DHX38: variants seen among roughly 807,000 people sequenced by gnomAD.
DHX38 encodes DEAH-box helicase 38.
Under a neutral mutation model 153.1 loss-of-function variants are expected in DHX38, and 100 were observed. That is an observed-to-expected ratio of 0.65 (90% CI 0.56 to 0.77). The LOEUF is 0.77. Among genes scored for constraint, DHX38 ranks in the 30% least tolerant of loss-of-function variants. The probability of loss-of-function intolerance (pLI) is 0.00; values close to 1 mark genes in which losing one functional copy is unlikely to be tolerated. For missense variants in DHX38, 1,440 were observed against 1,654.0 expected, an observed-to-expected ratio of 0.87 and a Z score of 2.24; for synonymous variants, 650 against 631.7, an observed-to-expected ratio of 1.03 and a Z score of -0.43.
Position 72,109,431 on chromosome 16 carries a change from T to C in DHX38, c.3398T>C (p.Val1133Ala), listed in dbSNP as rs2042228557. 1 of 1,613,370 alleles carries C rather than the reference T, an allele frequency of 6.2e-7. No homozygotes were observed. The highest frequency in any genetic ancestry group is 1.7e-4 in the Middle Eastern group (1 of 6,046). The change falls in exon 25 of 27, where the codon GTG becomes GCG. Residue 1133 changes from valine to alanine, a missense_variant. By Grantham distance (64) the Val-to-Ala change is moderately conservative (BLOSUM62 0). Transcript: ENST00000268482. ...VMTTKEYMQCVTAVDGEWLAE... is the reference protein window; with the variant it reads ...VMTTKEYMQCATAVDGEWLAE... ...TGCCCGCAGGAGTATATGCAGTGTG[T>C]GACCGCTGTGGACGGGGAGTGGCTG...
At position 72,104,078 on chromosome 16, in the gene DHX38, G is replaced by A; in HGVS notation, c.1957G>A (p.Glu653Lys). 5 of 1,614,152 alleles carry A rather than the reference G, an allele frequency of 3.1e-6. No individual in the cohort carries two copies. The highest frequency in any genetic ancestry group is 1.1e-5 in the South Asian group (1 of 91,080). The change falls in exon 14 of 27, where the codon GAG becomes AAG. Residue 653 changes from glutamate (E) to lysine (K), a missense_variant. By Grantham distance (56) the Glu-to-Lys change is moderately conservative (BLOSUM62 1). Around this residue, in one of 6 missense-constraint regions of DHX38, gnomAD observed 543 missense variants for 717.9 expected, o/e 0.76. Transcript: ENST00000268482. The surrounding 1 kb of genome is among the most constrained non-coding windows in gnomAD (Gnocchi z 4.5). ...LDHYSAIIMD[E>K]AHERSLNTDV... The stretch of plus-strand genomic sequence containing the variant: ...TCACTACAGTGCCATCATCATGGAC[G>A]AGGCCCACGAGCGCTCCCTCAACAC...
chr16:72,104,745 C>T lies in DHX38; in HGVS notation c.2151+119C>T. ...GGGTTGGAGAAGATTTCCTGGGGAC[C>T]ATGGGGCAAATGGGGCAGCCTGCAG... On this transcript the variant is annotated intron_variant, in intron 15 of 26. Coordinates refer to ENST00000268482, the MANE Select transcript of DHX38 (RefSeq NM_014003.4). The surrounding 1 kb of genome is among the most constrained non-coding windows in gnomAD (Gnocchi z 4.5). 6.9e-7 allele frequency: 1 copy of T among 1,449,330 alleles called. No homozygotes were observed. Among genetic ancestry groups the T allele is most frequent in the Non-Finnish European group, 9.4e-7 (1 of 1,058,952 alleles). The allele number at this position is 1,449,330 out of a possible 1,614,324, so 89.8% of individuals were successfully genotyped here. A position where few individuals can be genotyped will look rare whatever the true frequency, so the allele number is the denominator to read the frequency against.
intron 3 of DHX38, chr16:72,097,401 C>G: frequency 2.2e-6 from 1 of 458,670 alleles, no homozygotes; most frequent in Non-Finnish European, 4.0e-6. Context: ...AGAATTGTAA[C>G]TATTAAAAAA....
chr16:72,106,199 C>A, intron 19 of DHX38, 82 bp downstream of exon 19: 2 of 1,353,782 alleles, frequency 1.5e-6, no homozygotes, highest in Non-Finnish European at 2.1e-6. Context: ...GGGCAGGATG[C>A]TGGCTCTAGA....
chr16:72,099,951 C>T, intron 8 of DHX38, 64 bp downstream of exon 8: 1 of 1,537,352 alleles, frequency 6.5e-7, no homozygotes, highest in Non-Finnish European at 8.8e-7. Context: ...GGGGAAGCAG[C>T]AGGTTATCCC....
At chr16:72,100,191 T>TA (rs1286291697) in intron 8 of DHX38, among the ~76,000 whole-genome samples, 2 of 152,156 alleles carry the variant, frequency 1.3e-5, no homozygotes, top group Admixed American at 6.5e-5. Context: ...TAGGGACACT[T>TA]ACCATTTGTG....
intron 17 of DHX38, 51 bp from the exon 18 acceptor site, chr16:72,105,466 C>G: frequency 6.2e-7 from 1 of 1,609,654 alleles, no homozygotes; most frequent in Non-Finnish European, 8.5e-7. Flanking sequence ...CTCGCGGAGC[C>G]TTTCCTGTCT....
Position 72,108,898 on chromosome 16 carries a change from G to A in DHX38, c.3354G>A (p.Val1118=), listed in dbSNP as rs746943425. 2.5e-6 allele frequency: 4 copies of A among 1,611,454 alleles called. No individual in the cohort carries two copies. In the Admixed American group the frequency reaches 5.0e-5, roughly 20 times the overall value. The change falls in exon 24 of 27, where the codon GTG becomes GTA. Residue 1118 remains valine, a synonymous_variant. Coordinates refer to ENST00000268482, the MANE Select transcript of DHX38 (RefSeq NM_014003.4). ...TGGGCTACACCCCAGATTACATAGT[G>A]TATCACGAGTTGGTCATGACCACCA... ...FGMGYTPDYI[V]YHELVMTTKE...
intron 11 of DHX38, 127 bp from the exon 12 acceptor site, chr16:72,102,947 G>A: frequency 7.5e-7 from 1 of 1,328,964 alleles, no homozygotes; most frequent in Non-Finnish European, 1.0e-6. Flanking sequence ...AGATTCCCTG[G>A]CTGCTTTGGT....
intron 23 of DHX38, 27 bp downstream of exon 23, chr16:72,108,634 T>A: frequency 1.2e-6 from 2 of 1,609,136 alleles, no homozygotes; most frequent in Non-Finnish European, 1.7e-6. Flanking sequence ...AGTGAGCCCC[T>A]CCCAGCCTGA....
In DHX38 at chr16:72,109,527, C is replaced by T. The variant is rs113341243; in HGVS notation, c.3477+17C>T. 1.8e-5 allele frequency: 29 copies of T among 1,605,450 alleles called. No individual in the cohort carries two copies. The African/African-American group carries it at 2.5e-4, about 14-fold the overall frequency. On this transcript the variant is annotated intron_variant, in intron 25 of 26. Coordinates refer to ENST00000268482, the MANE Select transcript of DHX38 (RefSeq NM_014003.4). ...TCACGGCAGGTGAGGATTCTGTGCT[C>T]TTCGCAGGGGTGCTGTTTGCCTGTG...
At position 72,101,039 on chromosome 16, in the gene DHX38, T is replaced by G. The variant is rs1453578315; in HGVS notation, c.1279-47T>G. The G allele has an allele frequency of 1.9e-6, 3 of 1,579,250 alleles. No homozygotes were observed. In the South Asian group the frequency reaches 3.3e-5, roughly 17 times the overall value. ...AAGTAGGGATCTTATGAACATGGCCTTCTTGCTGATTTTAACGGGCATCGC... is the reference window on the plus strand; with the variant it reads ...AAGTAGGGATCTTATGAACATGGCCGTCTTGCTGATTTTAACGGGCATCGC... On this transcript the variant is annotated intron_variant, in intron 9 of 26. Transcript: ENST00000268482.
At position 72,103,984 on chromosome 16, in the gene DHX38, G is replaced by T; in HGVS notation, c.1863G>T (p.Glu621Asp). The change falls in exon 14 of 27, where the codon GAG becomes GAT. Residue 621 changes from glutamate (E) to aspartate (D), a missense_variant. By Grantham distance (45) the Glu-to-Asp change is conservative (BLOSUM62 2). Transcript: ENST00000268482. ...YAIRFEDCTS[E>D]NTLIKYMTDG... ...TCCGCTTTGAAGACTGCACTTCAGA[G>T]AACACCTTGATCAAATACATGACTG... is the stretch of plus-strand genomic sequence containing the variant. The T allele has an allele frequency of 6.2e-7, 1 of 1,614,192 alleles. No individual in the cohort carries two copies. Among genetic ancestry groups the T allele is most frequent in the Non-Finnish European group, 8.5e-7 (1 of 1,180,042 alleles).
rs1053003138 is a variant in DHX38, at chr16:72,108,913, C to T, written c.3369C>T (p.Val1123=). The part of the protein sequence containing the change: ...TPDYIVYHEL[V]MTTKEYMQCV... ...ATTACATAGTGTATCACGAGTTGGT[C>T]ATGACCACCAAGGTGAGTCTTTTCC... The change falls in exon 24 of 27, where the codon GTC becomes GTT. Residue 1123 remains valine, a synonymous_variant. Coordinates refer to ENST00000268482, the MANE Select transcript of DHX38 (RefSeq NM_014003.4). 10 of 1,607,022 alleles carry T rather than the reference C, an allele frequency of 6.2e-6. No homozygotes were observed. The highest frequency in any genetic ancestry group is 1.7e-5 in the Admixed American group (1 of 58,834).
intron 2 of DHX38, 64 bp downstream of exon 2, chr16:72,096,544 T>C: frequency 5.4e-6 from 8 of 1,491,274 alleles, no homozygotes; most frequent in Non-Finnish European, 7.1e-6. Context: ...TAACAGCTCA[T>C]GTTTATCTCT....
Position 72,096,343 on chromosome 16 carries a change from AGAG to A in DHX38, c.190_192del (p.Glu64del). ...TGGCTTCCCTGAAACGGAGAGAGCG[AGAG>A]GAGAAGGACGATGGGGAGGACAAGA... On this transcript the variant is annotated inframe_deletion, in exon 2 of 27. Coordinates refer to ENST00000268482, the MANE Select transcript of DHX38 (RefSeq NM_014003.4). The A allele has an allele frequency of 1.2e-6, 2 of 1,614,236 alleles. No individual in the cohort carries two copies.
intron 3 of DHX38, 112 bp downstream of exon 3, chr16:72,097,121 C>T: frequency 1.6e-6 from 2 of 1,222,148 alleles, no homozygotes; most frequent in Admixed American, 5.1e-5. Flanking sequence ...GTCCTATTTG[C>T]ATGATGTCCG....
Position 72,108,789 on chromosome 16 carries a change from C to T in DHX38, c.3256-11C>T. The T allele has an allele frequency of 6.2e-7, 1 of 1,611,312 alleles. No individual in the cohort carries two copies. The highest frequency in any genetic ancestry group is 8.5e-7 in the Non-Finnish European group (1 of 1,178,546). On this transcript the variant is annotated splice_polypyrimidine_tract_variant and intron_variant, in intron 23 of 26. Transcript: ENST00000268482. The stretch of plus-strand genomic sequence containing the variant: ...TTCCTGATGTGGCTGCCTGTTGTGT[C>T]TCCTCCCTAGGGAATCGGGGAGTAC...
intron 18 of DHX38, 30 bp from the exon 19 acceptor site, chr16:72,105,975 C>T: frequency 1.9e-6 from 3 of 1,603,412 alleles, no homozygotes; most frequent in Non-Finnish European, 2.6e-6. Flanking sequence ...TCACTCTGTC[C>T]TTCGTCAGCT....
Sources: gnomAD v4.1 joint callset for allele counts (sites outside exome capture counted in the v4.1 genomes callset) on GRCh38, gnomAD v4.1.1 for gene constraint, gnomAD v4.1.1 regional missense constraint, Gnocchi (gnomAD v3.1) non-coding constraint, MANE v1.5 for transcripts, NCBI Gene and HGNC (gene_info 2026-07-23, HGNC 2026-07-21) for gene names.